YAP1: variants seen among roughly 807,000 people sequenced by gnomAD.
YAP1 encodes transcriptional coactivator YAP1.
A neutral mutation model predicts 56.9 loss-of-function variants in YAP1; 5 were observed. That is an observed-to-expected ratio of 0.09 (90% CI 0.05 to 0.18). YAP1 has a LOEUF of 0.18. YAP1 is among the 10% of genes least tolerant of loss of function. The pLI, the probability that YAP1 is intolerant of heterozygous loss-of-function variation, is 1.00. For synonymous variants in YAP1, 265 were observed against 248.1 expected (o/e 1.07, Z -0.64); for missense variants, 539 against 651.8 (o/e 0.83, Z 1.88).
chr11:102,179,421 AAT>A (rs370961641), intron 3 of YAP1, among the ~76,000 whole-genome samples: 1 of 152,284 alleles, frequency 6.6e-6, no homozygotes, highest in East Asian at 1.9e-4. Context: ...TAATAATGGT[AAT>A]CCCCTTTAAG....
chr11:102,124,042 C>T (rs994164165), intron 2 of YAP1, among the ~76,000 whole-genome samples: 13 of 150,136 alleles, frequency 8.7e-5, no homozygotes, highest in African/African-American at 3.2e-4. Context: ...ATCTCTGGCT[C>T]CCGGGTTCAA....
At chr11:102,147,986 G>A (rs1398434353) in intron 2 of YAP1, among the ~76,000 whole-genome samples, 1 of 152,176 alleles carries the variant, frequency 6.6e-6, no homozygotes, top group Non-Finnish European at 1.5e-5. Context: ...GTATATTGTG[G>A]AAGTTAAAGT....
chr11:102,219,780 T>C (rs1230873140), intron 6 of YAP1, among the ~76,000 whole-genome samples: 2 of 151,968 alleles, frequency 1.3e-5, no homozygotes, highest in African/African-American at 4.8e-5. Context: ...GTTTTTTGTT[T>C]TGAGACAGAG....
At chr11:102,123,234 A>T (rs1380449392) in intron 2 of YAP1, among the ~76,000 whole-genome samples, 2 of 152,164 alleles carry the variant, frequency 1.3e-5, no homozygotes, top group East Asian at 1.9e-4. Context: ...TTGCCTGGCC[A>T]ACTGTGATTT....
At chr11:102,113,438 T>G (rs1333642293) in intron 1 of YAP1, among the ~76,000 whole-genome samples, 1 of 152,148 alleles carries the variant, frequency 6.6e-6, no homozygotes, top group Non-Finnish European at 1.5e-5. Context: ...GAATGCAGAA[T>G]TTTTTCTGCT....
intron 1 of YAP1, among the ~76,000 whole-genome samples, 167 bp from the exon 2 acceptor site, chr11:102,113,977 A>G (rs1406797851): frequency 6.6e-6 from 1 of 152,114 alleles, no homozygotes; most frequent in East Asian, 1.9e-4. Flanking sequence ...ATATAATATT[A>G]AAAGTATCCA....
intron 7 of YAP1, among the ~76,000 whole-genome samples, chr11:102,225,104 C>T (rs1258099877): frequency 1.3e-5 from 2 of 151,754 alleles, no homozygotes; most frequent in Non-Finnish European, 2.9e-5. Flanking sequence ...AATCTAAGGG[C>T]AGAATTGTAT....
Position 102,110,655 on chromosome 11 carries a change from C to T in YAP1, c.-194C>T. 1 of 320,098 alleles carries T rather than the reference C, an allele frequency of 3.1e-6. No homozygotes were observed. The highest frequency in any genetic ancestry group is 5.1e-6 in the Non-Finnish European group (1 of 196,714). The allele number at this position is 320,098 out of a possible 1,614,324, so 19.8% of individuals were successfully genotyped here. On this transcript the variant is annotated 5_prime_UTR_variant, in exon 1 of 9. Coordinates refer to ENST00000282441, the MANE Select transcript of YAP1 (RefSeq NM_001130145.3). ...AGCCGCCAGACCAGTGGAGCCGGGG[C>T]GCAGGGCGGGGGCGGAGGCGCCGGG...
At chr11:102,167,971 G>A (rs1017056877) in intron 3 of YAP1, among the ~76,000 whole-genome samples, 5 of 152,040 alleles carry the variant, frequency 3.3e-5, no homozygotes, top group Admixed American at 3.3e-4. Flanking sequence ...TTGAGCCCAC[G>A]AGGTCAAGGC....
chr11:102,203,990 A>G (rs1363547572), intron 4 of YAP1, among the ~76,000 whole-genome samples: 1 of 152,206 alleles, frequency 6.6e-6, no homozygotes, highest in Non-Finnish European at 1.5e-5. Flanking sequence ...ATTAACAGGT[A>G]GCTGAGAAGA....
At chr11:102,130,891 C>T (rs1049017630) in intron 2 of YAP1, among the ~76,000 whole-genome samples, 1 of 152,018 alleles carries the variant, frequency 6.6e-6, no homozygotes, top group Non-Finnish European at 1.5e-5. Flanking sequence ...GGAGGGTATG[C>T]AGGCTTTCCT....
chr11:102,145,100 T>C (rs1274641399), intron 2 of YAP1, among the ~76,000 whole-genome samples: 1 of 152,222 alleles, frequency 6.6e-6, no homozygotes, highest in Admixed American at 6.5e-5. Flanking sequence ...TGAATTATTC[T>C]GCAGGAGTAT....
intron 2 of YAP1, among the ~76,000 whole-genome samples, chr11:102,138,779 C>G (rs1253488275): frequency 1.3e-5 from 2 of 152,086 alleles, no homozygotes; most frequent in Non-Finnish European, 2.9e-5. Context: ...TCTGAGTCAT[C>G]AAGTTATGTA....
At chr11:102,137,984 T>C (rs182116433) in intron 2 of YAP1, among the ~76,000 whole-genome samples, 1 of 151,932 alleles carries the variant, frequency 6.6e-6, no homozygotes, top group East Asian at 1.9e-4. Context: ...GCCTCCCGAG[T>C]TCAAGCAATT....
At chr11:102,211,910 A>G (rs1949423243) in intron 6 of YAP1, among the ~76,000 whole-genome samples, 1 of 152,054 alleles carries the variant, frequency 6.6e-6, no homozygotes, top group Non-Finnish European at 1.5e-5. Context: ...TCACCATGTT[A>G]TCCAGGATGG....
Position 102,112,425 on chromosome 11 carries a change from CTTTTTTTTTT to C in YAP1, c.321+1268_321+1277del, listed in dbSNP as rs751339753. ...TTTTCTTTCTTTTTTATTTCTTCTT[CTTTTTTTTTT>C]TTTTTTTTTTTGAGAACTTGCTTCA... is the stretch of plus-strand genomic sequence containing the variant. On this transcript the variant is annotated intron_variant, in intron 1 of 8. Coordinates refer to ENST00000282441, the MANE Select transcript of YAP1 (RefSeq NM_001130145.3). The C allele has an allele frequency of 4.0e-5, 33 of 827,400 alleles. No individual in the cohort carries two copies. The East Asian group carries it at 5.9e-4, about 15-fold the overall frequency. The allele number at this position is 827,400 out of a possible 1,614,324, so 51.3% of individuals were successfully genotyped here. A position where few individuals can be genotyped will look rare whatever the true frequency, so the allele number is the denominator to read the frequency against.
At chr11:102,133,897 G>T (rs930572032) in intron 2 of YAP1, among the ~76,000 whole-genome samples, 1 of 152,120 alleles carries the variant, frequency 6.6e-6, no homozygotes, top group African/African-American at 2.4e-5. Flanking sequence ...CTCTTGGTTT[G>T]TAGTTGGCTG....
chr11:102,124,651 C>A lies in YAP1; in HGVS notation c.572+10257C>A, dbSNP rs190451476. Among the ~76,000 whole-genome samples, 769 of 152,204 alleles carry A rather than the reference C, an allele frequency of 5.1e-3. 9 individuals carry two copies. Among genetic ancestry groups the A allele is most frequent in the African/African-American group, 0.018 (736 of 41,506 alleles). Reference sequence around the variant, plus strand: ...TTTTCTTATCTTATCCCACTATTTTCTTTCACTTAGCATTTTGTTATGTTT... The same window carrying A: ...TTTTCTTATCTTATCCCACTATTTTATTTCACTTAGCATTTTGTTATGTTT... On this transcript the variant is annotated intron_variant, in intron 2 of 8. Coordinates refer to ENST00000282441, the MANE Select transcript of YAP1 (RefSeq NM_001130145.3).
Position 102,179,998 on chromosome 11 carries a change from T to C in YAP1, c.689-6020T>C, listed in dbSNP as rs557167033. ...TTAATTACATTCATTTCAGCCAACA[T>C]TTATTCTATTTTTTTTTTTTTTTTT... On this transcript the variant is annotated intron_variant, in intron 3 of 8. Transcript: ENST00000282441. 1.3e-4 allele frequency among the ~76,000 whole-genome samples: 18 copies of C among 136,696 alleles called. No homozygotes were observed. The East Asian group carries it at 3.8e-3, about 29-fold the overall frequency. The allele number at this position is 136,696 out of a possible 152,430, so 89.7% of individuals were successfully genotyped here.
Sources: allele counts gnomAD v4.1 joint callset (sites outside exome capture counted in the v4.1 genomes callset), GRCh38; gene constraint gnomAD v4.1.1; transcripts MANE v1.5; gene names NCBI Gene and HGNC (gene_info 2026-07-23, HGNC 2026-07-21).